SPATA31A6: variants seen among roughly 807,000 people sequenced by gnomAD.
The protein encoded by SPATA31A6 is SPATA31 subfamily A member 6.
In SPATA31A6, 9 loss-of-function variants were observed where a neutral mutation model predicts 11.9. The observed-to-expected ratio is 0.76, with a 90% CI of 0.46 to 1.32. The LOEUF is 1.32. SPATA31A6 is among the 40% of genes most tolerant of loss of function. The pLI is 0.00. For missense variants in SPATA31A6, 855 were observed against 1,467.3 expected (o/e 0.58, Z 6.82); for synonymous variants, 314 against 572.1 (o/e 0.55, Z 6.44).
In SPATA31A6 at chr9:42,187,636, C is replaced by T; in HGVS notation, c.1934C>T (p.Thr645Ile). The part of the protein sequence containing the change: ...KPSPWQSSTS[T>I]GESSKEAQKV... The stretch of plus-strand genomic sequence containing the variant: ...AGTCCCTGGCAGTCCTCCACGTCCA[C>T]AGGTGAAAGCAGCAAGGAGGCACAG... The change falls in exon 4 of 4, where the codon ACA (threonine) becomes ATA (isoleucine). Residue 645 changes from threonine to isoleucine, a missense_variant. Thr to Ile is a moderately conservative substitution (Grantham distance 89). Coordinates refer to ENST00000332857, the MANE Select transcript of SPATA31A6 (RefSeq NM_001145196.1). 2.8e-6 allele frequency: 4 copies of T among 1,449,298 alleles called. 1 individual carries two copies. Among genetic ancestry groups the T allele is most frequent in the Non-Finnish European group, 3.7e-6 (4 of 1,077,330 alleles). The allele number at this position is 1,449,298 out of a possible 1,614,324, so 89.8% of individuals were successfully genotyped here. A position where few individuals can be genotyped will look rare whatever the true frequency, so the allele number is the denominator to read the frequency against.
rs749354033 is a variant in SPATA31A6 at position 42,187,187 on chromosome 9, T to C, written c.1485T>C (p.Ala495=). Residue 495 remains alanine (A), a synonymous_variant, in exon 4 of 4, where the codon GCT becomes GCC. Transcript: ENST00000332857. The stretch of plus-strand genomic sequence containing the variant: ...CCACACCTATGGCTCAGGCCGAGGC[T>C]CAGGCCCATCTTCAGTCTTCTTTCC... ...FLPTPMAQAE[A]QAHLQSSFPV... 8.4e-5 allele frequency: 129 copies of C among 1,543,138 alleles called. 15 individuals carry two copies. The highest frequency in any genetic ancestry group is 1.1e-4 in the Non-Finnish European group (121 of 1,138,134).
Position 42,189,317 on chromosome 9 carries a change from C to T in SPATA31A6, c.3615C>T (p.Leu1205=), listed in dbSNP as rs763814381. 5.2e-6 allele frequency: 8 copies of T among 1,550,200 alleles called. 1 individual carries two copies. The highest frequency in any genetic ancestry group is 3.5e-4 in the Middle Eastern group (2 of 5,774). ...VYSSSAEAQG[L]MTAVGQMLDK... ...GCAGCAGTGCTGAAGCTCAGGGTCT[C>T]ATGACGGCAGTTGGACAAATGCTGG... Residue 1205 remains leucine, a synonymous_variant, in exon 4 of 4, where the codon CTC becomes CTT. Coordinates refer to ENST00000332857, the MANE Select transcript of SPATA31A6 (RefSeq NM_001145196.1).
Position 42,187,365 on chromosome 9 carries a change from C to A in SPATA31A6, c.1663C>A (p.Pro555Thr). The change falls in exon 4 of 4, where the codon CCC becomes ACC. Residue 555 changes from proline (P) to threonine (T), a missense_variant. Pro to Thr is a conservative substitution (Grantham distance 38, BLOSUM62 -1). Coordinates refer to ENST00000332857, the MANE Select transcript of SPATA31A6 (RefSeq NM_001145196.1). The stretch of plus-strand genomic sequence containing the variant: ...ACAACTAGAAGGTAGGTTGGCTTTA[C>A]CCTCTAGGGTCCAAAAATCTCAGGA... ...RKQLEGRLAL[P>T]SRVQKSQDVF... 2.6e-6 allele frequency: 4 copies of A among 1,535,878 alleles called. No homozygotes were observed. Among genetic ancestry groups the A allele is most frequent in the South Asian group, 1.2e-5 (1 of 86,018 alleles).
chr9:42,184,506 ATTTTAT>A lies in SPATA31A6; in HGVS notation c.190-559_190-554del, dbSNP rs1829406974. Among the ~76,000 whole-genome samples the A allele has an allele frequency of 5.8e-5, 2 of 34,388 alleles. 1 individual carries two copies. The highest frequency in any genetic ancestry group is 9.6e-4 in the East Asian group (2 of 2,094). The allele number at this position is 34,388 out of a possible 152,430, so 22.6% of individuals were successfully genotyped here. On this transcript the variant is annotated intron_variant, in intron 1 of 3. Transcript: ENST00000332857. ...GTTATTTTTATTTTATTTGTGTGTT[ATTTTAT>A]TTTATTTTATTTTATTTTATTTTAT...
chr9:42,184,759 C>T lies in SPATA31A6; in HGVS notation c.190-310C>T, dbSNP rs1444176337. 1.2e-4 allele frequency among the ~76,000 whole-genome samples: 16 copies of T among 136,518 alleles called. 5 individuals are homozygous for T. Among genetic ancestry groups the T allele is most frequent in the African/African-American group, 4.2e-4 (14 of 33,492 alleles). 89.6% of individuals were successfully genotyped at this position (136,518 alleles called of 152,430 possible). On this transcript the variant is annotated intron_variant, in intron 1 of 3. Transcript: ENST00000332857. Reference sequence around the variant, plus strand: ...GCCAGGCTGGTCTCAAACTCCTGACCTCAGGTGATCAACCCACCTTGGCCT... The same window carrying T: ...GCCAGGCTGGTCTCAAACTCCTGACTTCAGGTGATCAACCCACCTTGGCCT...
rs1293646105 is a variant in SPATA31A6, at chr9:42,186,711, A to C, written c.1009A>C (p.Lys337Gln). The C allele has an allele frequency of 6.5e-7, 1 of 1,531,152 alleles. No individual in the cohort carries two copies. Among genetic ancestry groups the C allele is most frequent in the East Asian group, 2.4e-5 (1 of 42,138 alleles). The allele number at this position is 1,531,152 out of a possible 1,614,324, so 94.8% of individuals were successfully genotyped here. A position where few individuals can be genotyped will look rare whatever the true frequency, so the allele number is the denominator to read the frequency against. Reference protein sequence around the residue: ...VVGIQVTETAKVNIWEEKENV... With the variant: ...VVGIQVTETAQVNIWEEKENV... ...GGGGATACAAGTCACAGAAACAGCC[A>C]AGGTCAACATTTGGGAAGAAAAAGA... The change falls in exon 4 of 4, where the codon AAG becomes CAG. Residue 337 changes from lysine to glutamine, a missense_variant. Transcript: ENST00000332857.
rs2261047 is a variant in SPATA31A6, at chr9:42,183,780, C to T, written c.93C>T (p.Thr31=). The T allele has an allele frequency of 1.4e-3, 2,122 of 1,524,926 alleles. 511 individuals are homozygous for T. The highest frequency in any genetic ancestry group is 5.4e-3 in the Admixed American group (306 of 56,368). 94.5% of individuals were successfully genotyped at this position (1,524,926 alleles called of 1,614,324 possible). A position where few individuals can be genotyped will look rare whatever the true frequency, so the allele number is the denominator to read the frequency against. Residue 31 remains threonine (T), a synonymous_variant, in exon 1 of 4, where the codon ACC becomes ACT. Coordinates refer to ENST00000332857, the MANE Select transcript of SPATA31A6 (RefSeq NM_001145196.1). ...STPWVLDIFL[T]LVFALGFFFL... ...CATGGGTGTTGGATATCTTCCTCAC[C>T]TTGGTGTTTGCCCTGGGGTTCTTCT... is the stretch of plus-strand genomic sequence containing the variant.
At position 42,189,172 on chromosome 9, in the gene SPATA31A6, G is replaced by A. The variant is rs772806538; in HGVS notation, c.3470G>A (p.Ser1157Asn). 3.9e-6 allele frequency: 6 copies of A among 1,544,152 alleles called. No homozygotes were observed. The highest frequency in any genetic ancestry group is 8.8e-7 in the Non-Finnish European group (1 of 1,138,592). The stretch of plus-strand genomic sequence containing the variant: ...TCAAAGAAACAGCCTCCTTCAGTAA[G>A]CCACTTTGGAGAAAACATCAAGCAA... ...LPSKKQPPSV[S>N]HFGENIKQFF... The change falls in exon 4 of 4, where the codon AGC (serine) becomes AAC (asparagine). Residue 1157 changes from serine (S) to asparagine (N), a missense_variant. Coordinates refer to ENST00000332857, the MANE Select transcript of SPATA31A6 (RefSeq NM_001145196.1).
chr9:42,184,110 C>T (rs1388692126), intron 1 of SPATA31A6, among the ~76,000 whole-genome samples: 1 of 137,500 alleles, frequency 7.3e-6, no homozygotes, highest in African/African-American at 2.9e-5. Flanking sequence ...CAGGAGGCAT[C>T]AAGGCAAAAT....
At position 42,185,528 on chromosome 9, in the gene SPATA31A6, G is replaced by C. The variant is rs183681868; in HGVS notation, c.248-167G>C. On this transcript the variant is annotated intron_variant, in intron 2 of 3. Transcript: ENST00000332857. ...AGCCTGTTGTGAATGAAAAAGCCCT[G>C]TCCTCCATGCCTTGCTATTAACGTC... 8.0e-5 allele frequency among the ~76,000 whole-genome samples: 11 copies of C among 137,690 alleles called. 1 individual carries two copies. The highest frequency in any genetic ancestry group is 2.9e-4 in the African/African-American group (10 of 34,468). The allele number at this position is 137,690 out of a possible 152,430, so 90.3% of individuals were successfully genotyped here. A position where few individuals can be genotyped will look rare whatever the true frequency, so the allele number is the denominator to read the frequency against.
rs762573927 is a variant in SPATA31A6 at position 42,189,161 on chromosome 9, T to A, written c.3459T>A (p.Pro1153=). The change falls in exon 4 of 4, where the codon CCT becomes CCA. Residue 1153 remains proline, a synonymous_variant. Coordinates refer to ENST00000332857, the MANE Select transcript of SPATA31A6 (RefSeq NM_001145196.1). The part of the protein sequence containing the change: ...GVQLLPSKKQ[P]PSVSHFGENI... ...AGCTACTGCCATCAAAGAAACAGCC[T>A]CCTTCAGTAAGCCACTTTGGAGAAA... 3.6e-5 allele frequency: 56 copies of A among 1,544,264 alleles called. 8 individuals are homozygous for A. In the South Asian group the frequency reaches 5.7e-4, roughly 16 times the overall value.
Position 42,186,784 on chromosome 9 carries a change from A to T in SPATA31A6, c.1082A>T (p.Asn361Ile). The T allele has an allele frequency of 6.5e-7, 1 of 1,531,606 alleles. No homozygotes were observed. Among genetic ancestry groups the T allele is most frequent in the Non-Finnish European group, 8.8e-7 (1 of 1,139,706 alleles). The allele number at this position is 1,531,606 out of a possible 1,614,324, so 94.9% of individuals were successfully genotyped here. A position where few individuals can be genotyped will look rare whatever the true frequency, so the allele number is the denominator to read the frequency against. ...TNQMTPEKHL[N>I]SLGNLAKSLD... ...CAAATGACCCCAGAAAAGCACTTAAATTCTTTGGGGAATTTGGCTAAATCA... is the reference window on the plus strand; with the variant it reads ...CAAATGACCCCAGAAAAGCACTTAATTTCTTTGGGGAATTTGGCTAAATCA... Residue 361 changes from asparagine to isoleucine, a missense_variant, in exon 4 of 4, where the codon AAT (asparagine) becomes ATT (isoleucine). By Grantham distance (149) the Asn-to-Ile change is moderately radical. Transcript: ENST00000332857.
Position 42,188,889 on chromosome 9 carries a change from C to A in SPATA31A6, c.3187C>A (p.Arg1063=), listed in dbSNP as rs542356915. The stretch of plus-strand genomic sequence containing the variant: ...CCAGAGCATGCCTACTGGGAACATG[C>A]GGGCTTCCCAGGAGCTACATGACCT... ...HLQSMPTGNM[R]ASQELHDLMA... Residue 1063 remains arginine, a synonymous_variant, in exon 4 of 4, where the codon CGG becomes AGG. Transcript: ENST00000332857. 2.3e-5 allele frequency: 36 copies of A among 1,552,254 alleles called. 10 individuals carry two copies. Among genetic ancestry groups the A allele is most frequent in the East Asian group, 4.7e-5 (2 of 42,668 alleles).
chr9:42,188,628 T>C lies in SPATA31A6; in HGVS notation c.2926T>C (p.Phe976Leu). 1 of 1,316,752 alleles carries C rather than the reference T, an allele frequency of 7.6e-7. No homozygotes were observed. The highest frequency in any genetic ancestry group is 1.3e-5 in the South Asian group (1 of 77,902). 81.6% of individuals were successfully genotyped at this position (1,316,752 alleles called of 1,614,324 possible). A position where few individuals can be genotyped will look rare whatever the true frequency, so the allele number is the denominator to read the frequency against. ...AGCCACAAGTGAGGATGTGCATGGT[T>C]TCGAGGCTCCAGGGACCAGCAAAAG... ...LQATSEDVHG[F>L]EAPGTSKSSL... is the part of the protein sequence containing the mutation. Residue 976 changes from phenylalanine (F) to leucine (L), a missense_variant, in exon 4 of 4, where the codon TTC becomes CTC. Phe to Leu is a conservative substitution (Grantham distance 22). Coordinates refer to ENST00000332857, the MANE Select transcript of SPATA31A6 (RefSeq NM_001145196.1).
Position 42,184,949 on chromosome 9 carries a change from G to A in SPATA31A6, c.190-120G>A, listed in dbSNP as rs1001714171. Reference sequence around the variant, plus strand: ...GTCATGCGGTTCCTGAGTGCAGCATGCTGCGGCTGGGCTGGAGCAGAGAGG... The same window carrying A: ...GTCATGCGGTTCCTGAGTGCAGCATACTGCGGCTGGGCTGGAGCAGAGAGG... On this transcript the variant is annotated intron_variant, in intron 1 of 3. Transcript: ENST00000332857. 6 of 1,427,088 alleles carry A rather than the reference G, an allele frequency of 4.2e-6. 1 individual carries two copies. The Admixed American group carries it at 1.1e-4, about 26-fold the overall frequency. 88.4% of individuals were successfully genotyped at this position (1,427,088 alleles called of 1,614,324 possible).
rs747322222 is a variant in SPATA31A6 at position 42,186,710 on chromosome 9, C to T, written c.1008C>T (p.Ala336=). The T allele has an allele frequency of 6.5e-7, 1 of 1,530,902 alleles. No homozygotes were observed. Among genetic ancestry groups the T allele is most frequent in the Non-Finnish European group, 8.8e-7 (1 of 1,139,438 alleles). 94.8% of individuals were successfully genotyped at this position (1,530,902 alleles called of 1,614,324 possible). Residue 336 remains alanine (A), a synonymous_variant, in exon 4 of 4, where the codon GCC becomes GCT. Transcript: ENST00000332857. ...TGGGGATACAAGTCACAGAAACAGC[C>T]AAGGTCAACATTTGGGAAGAAAAAG... ...NVVGIQVTET[A]KVNIWEEKEN...
At position 42,187,486 on chromosome 9, in the gene SPATA31A6, T is replaced by G; in HGVS notation, c.1784T>G (p.Leu595Arg). 1 of 1,514,478 alleles carries G rather than the reference T, an allele frequency of 6.6e-7. No homozygotes were observed. Among genetic ancestry groups the G allele is most frequent in the Non-Finnish European group, 8.9e-7 (1 of 1,128,990 alleles). 93.8% of individuals were successfully genotyped at this position (1,514,478 alleles called of 1,614,324 possible). A position where few individuals can be genotyped will look rare whatever the true frequency, so the allele number is the denominator to read the frequency against. The change falls in exon 4 of 4, where the codon CTG becomes CGG. Residue 595 changes from leucine (L) to arginine (R), a missense_variant. Physicochemically the swap from Leu to Arg is moderately radical, Grantham distance 102. Transcript: ENST00000332857. ...FPVSPELRRQ[L>R]EQHIKKWIIQ... ...GTCAGTCCTGAACTCCGGAGACAAC[T>G]GGAGCAACACATAAAAAAGTGGATC...
Position 42,189,340 on chromosome 9 carries a change from T to C in SPATA31A6, c.3638T>C (p.Leu1213Pro). 1.0e-5 allele frequency: 16 copies of C among 1,542,620 alleles called. 3 individuals are homozygous for C. The highest frequency in any genetic ancestry group is 1.4e-5 in the Non-Finnish European group (16 of 1,137,344). The change falls in exon 4 of 4, where the codon CTG (leucine) becomes CCG (proline). Residue 1213 changes from leucine to proline, a missense_variant. Leu to Pro is a moderately conservative substitution (Grantham distance 98, BLOSUM62 -3). Transcript: ENST00000332857. ...QGLMTAVGQM[L>P]DKKMSLCHAH... is the part of the protein sequence containing the mutation. ...CTCATGACGGCAGTTGGACAAATGC[T>C]GGACAAGAAAATGTCACTTTGCCAT...
In SPATA31A6 at chr9:42,186,665, C is replaced by A; in HGVS notation, c.963C>A (p.Ser321Arg). ...AAGCTGGTAGCCTGTTTTTGCTCAG[C>A]TCTGATGGCCAGAATGTCGTGGGGA... ...QMEAGSLFLL[S>R]SDGQNVVGIQ... The change falls in exon 4 of 4, where the codon AGC becomes AGA. Residue 321 changes from serine to arginine, a missense_variant. Transcript: ENST00000332857. The A allele has an allele frequency of 1.3e-6, 2 of 1,532,106 alleles. No homozygotes were observed. Among genetic ancestry groups the A allele is most frequent in the Non-Finnish European group, 1.8e-6 (2 of 1,138,872 alleles). The allele number at this position is 1,532,106 out of a possible 1,614,324, so 94.9% of individuals were successfully genotyped here.
Sources: gnomAD v4.1 joint callset for allele counts (sites outside exome capture counted in the v4.1 genomes callset) on GRCh38, gnomAD v4.1.1 for gene constraint, MANE v1.5 for transcripts, NCBI Gene and HGNC (gene_info 2026-07-23, HGNC 2026-07-21) for gene names.